The following MARCHF1 variants were observed in gnomAD, a reference collection of about 807,000 sequenced individuals.
MARCHF1 encodes the protein membrane associated ring-CH-type finger 1, also known as E3 ubiquitin-protein ligase MARCHF1.
In MARCHF1, 40 loss-of-function variants were observed where a neutral mutation model predicts 54.2. That is an observed-to-expected ratio of 0.74 (90% CI 0.57 to 0.96). The LOEUF (loss-of-function observed/expected upper bound fraction) is 0.96. Ranked by LOEUF, MARCHF1 falls within the 40% of genes least tolerant of loss-of-function variation. The pLI is 0.00. For missense variants in MARCHF1, 586 were observed against 656.5 expected (o/e 0.89, Z 1.17); for synonymous variants, 236 against 236.3 (o/e 1.00, Z 0.01).
At chr4:164,281,771 C>G (rs1428348996) in intron 1 of MARCHF1, among the ~76,000 whole-genome samples, 1 of 152,152 alleles carries the variant, frequency 6.6e-6, no homozygotes, top group Non-Finnish European at 1.5e-5. Flanking sequence ...GGAGCCATCA[C>G]CTATAAAAGA....
chr4:163,631,622 C>T (rs1301207842), intron 5 of MARCHF1, among the ~76,000 whole-genome samples: 3 of 151,912 alleles, frequency 2.0e-5, no homozygotes. Context: ...GAATAAGTTT[C>T]AGGGAATATA....
At chr4:163,571,033 T>C (rs1284506952) in intron 8 of MARCHF1, among the ~76,000 whole-genome samples, 1 of 152,118 alleles carries the variant, frequency 6.6e-6, no homozygotes, top group Non-Finnish European at 1.5e-5. Flanking sequence ...CAGGGTAATC[T>C]TTATGCATCT....
chr4:164,363,758 T>G (rs1730793980), intron 1 of MARCHF1, among the ~76,000 whole-genome samples: 1 of 151,088 alleles, frequency 6.6e-6, no homozygotes, highest in Admixed American at 6.7e-5. Flanking sequence ...ATTACATTAT[T>G]AATAAGCCGT....
At chr4:164,350,282 T>C (rs1051704994) in intron 1 of MARCHF1, among the ~76,000 whole-genome samples, 50 of 152,206 alleles carry the variant, frequency 3.3e-4, no homozygotes, top group African/African-American at 1.2e-3. Context: ...TTCTTACTCA[T>C]ATGTAAGAGC....
chr4:164,142,179 G>A (rs931384813), intron 1 of MARCHF1, among the ~76,000 whole-genome samples: 9 of 152,176 alleles, frequency 5.9e-5, no homozygotes, highest in South Asian at 2.1e-4. Flanking sequence ...CTATGCCCAC[G>A]GAGACTCGCT....
chr4:163,854,612 G>A (rs1266530156), intron 3 of MARCHF1, among the ~76,000 whole-genome samples: 1 of 151,988 alleles, frequency 6.6e-6, no homozygotes, highest in South Asian at 2.1e-4. Context: ...TCGAATACAG[G>A]CCAGTGACAA....
At chr4:164,207,006 C>T (rs750284373) in intron 1 of MARCHF1, among the ~76,000 whole-genome samples, 18 of 151,928 alleles carry the variant, frequency 1.2e-4, no homozygotes, top group Non-Finnish European at 2.5e-4. Context: ...ATAATAGTAA[C>T]AGGGGATATT....
At chr4:163,939,207 C>G (rs970912333) in intron 3 of MARCHF1, among the ~76,000 whole-genome samples, 6 of 152,154 alleles carry the variant, frequency 3.9e-5, no homozygotes, top group African/African-American at 1.2e-4. Context: ...TTGGGAAACT[C>G]TCTGGGATAT....
At chr4:164,229,389 T>C (rs909523682) in intron 1 of MARCHF1, among the ~76,000 whole-genome samples, 7 of 152,132 alleles carry the variant, frequency 4.6e-5, no homozygotes, top group Non-Finnish European at 8.8e-5. Context: ...TGGAAAGGCC[T>C]GAGAGACCAG....
intron 3 of MARCHF1, among the ~76,000 whole-genome samples, chr4:163,941,272 C>T (rs2110750843): frequency 6.6e-6 from 1 of 152,122 alleles, no homozygotes; most frequent in South Asian, 2.1e-4. Context: ...TCAGTCTTAG[C>T]TGTGGTTGTC....
At chr4:164,046,588 C>G (rs1198238455) in intron 2 of MARCHF1, among the ~76,000 whole-genome samples, 1 of 152,146 alleles carries the variant, frequency 6.6e-6, no homozygotes, top group Non-Finnish European at 1.5e-5. Flanking sequence ...TTTCTCTATA[C>G]TTGAAATTAT....
At chr4:164,278,015 T>C (rs1733929207) in intron 1 of MARCHF1, among the ~76,000 whole-genome samples, 1 of 152,282 alleles carries the variant, frequency 6.6e-6, no homozygotes, top group South Asian at 2.1e-4. Context: ...CAATAGATTT[T>C]TTAAAAAAAG....
intron 4 of MARCHF1, among the ~76,000 whole-genome samples, chr4:163,791,118 T>G (rs769694550): frequency 2.1e-4 from 32 of 152,012 alleles, no homozygotes; most frequent in Non-Finnish European, 4.0e-4. Flanking sequence ...TAAAGAAAAT[T>G]TTACGGTAGG....
intron 5 of MARCHF1, among the ~76,000 whole-genome samples, chr4:163,662,174 G>C (rs1743366136): frequency 6.6e-6 from 1 of 151,880 alleles, no homozygotes; most frequent in Non-Finnish European, 1.5e-5. Flanking sequence ...ATGTCTTTAA[G>C]TTTTTGGATA....
intron 5 of MARCHF1, among the ~76,000 whole-genome samples, chr4:163,638,703 T>C (rs1330607897): frequency 1.3e-5 from 2 of 152,166 alleles, no homozygotes; most frequent in Non-Finnish European, 2.9e-5. Context: ...CTCTAATAGA[T>C]ATTTGTACAT....
intron 2 of MARCHF1, among the ~76,000 whole-genome samples, chr4:164,042,124 T>G (rs1390129168): frequency 6.6e-6 from 1 of 152,146 alleles, no homozygotes; most frequent in Non-Finnish European, 1.5e-5. Context: ...ATGTTTACCA[T>G]TGTCTTCTAT....
At chr4:163,704,698 A>G (rs1220922602) in intron 4 of MARCHF1, among the ~76,000 whole-genome samples, 1 of 151,772 alleles carries the variant, frequency 6.6e-6, no homozygotes, top group East Asian at 1.9e-4. Context: ...TATAGAATAT[A>G]TAATATTAAA....
intron 4 of MARCHF1, among the ~76,000 whole-genome samples, chr4:163,795,567 G>A (rs1747892854): frequency 6.6e-6 from 1 of 152,132 alleles, no homozygotes; most frequent in African/African-American, 2.4e-5. Context: ...TACTTGTATG[G>A]AAATGCAATT....
intron 1 of MARCHF1, among the ~76,000 whole-genome samples, chr4:164,231,513 A>T (rs1247985673): frequency 1.3e-5 from 2 of 152,172 alleles, no homozygotes; most frequent in African/African-American, 4.8e-5. Flanking sequence ...TTAACATGAC[A>T]TCTTTTAATT....
Sources: gnomAD v4.1 joint callset for allele counts (sites outside exome capture counted in the v4.1 genomes callset) on GRCh38, gnomAD v4.1.1 for gene constraint, MANE v1.5 for transcripts, NCBI Gene and HGNC (gene_info 2026-07-23, HGNC 2026-07-21) for gene names.